CNBD1: variants seen among roughly 807,000 people sequenced by gnomAD.
CNBD1 encodes cyclic nucleotide-binding domain-containing protein 1.
CNBD1 carries 71 observed loss-of-function variants against 54.4 expected under a neutral mutation model. That is an observed-to-expected ratio of 1.30 (90% CI 1.08 to 1.59). The LOEUF (loss-of-function observed/expected upper bound fraction) is 1.59. Among genes scored for constraint, CNBD1 ranks in the 40% most tolerant of loss-of-function variants. CNBD1 has a pLI of 0.00. For missense variants in CNBD1, 659 were observed against 518.0 expected (o/e 1.27, Z -2.64); for synonymous variants, 182 against 170.7 (o/e 1.07, Z -0.51).
chr8:87,287,479 G>C lies in CNBD1; in HGVS notation c.1042+808G>C, dbSNP rs370092000. Among the ~76,000 whole-genome samples, 23 of 152,286 alleles carry C rather than the reference G, an allele frequency of 1.5e-4. No individual in the cohort carries two copies. The South Asian group carries it at 4.8e-3, about 32-fold the overall frequency. On this transcript the variant is annotated intron_variant, in intron 8 of 10. Coordinates refer to ENST00000518476, the MANE Select transcript of CNBD1 (RefSeq NM_173538.3). ...GATTATAATGGAAGAGGAAGTGTTT[G>C]AAAGAAATACTTCTACCCCAAGTCT... is the stretch of plus-strand genomic sequence containing the variant.
chr8:87,017,151 C>T (rs1479504365), intron 4 of CNBD1, among the ~76,000 whole-genome samples: 4 of 152,090 alleles, frequency 2.6e-5, no homozygotes, highest in African/African-American at 4.8e-5. Flanking sequence ...GGGGGTAAAA[C>T]GGCTTTCTGG....
chr8:87,243,662 A>G (rs923380960), intron 6 of CNBD1, among the ~76,000 whole-genome samples: 2 of 152,202 alleles, frequency 1.3e-5, no homozygotes, highest in African/African-American at 4.8e-5. Context: ...ATGCAACACA[A>G]CTACTATAAA....
intron 4 of CNBD1, among the ~76,000 whole-genome samples, chr8:87,002,818 T>A (rs1384721252): frequency 6.6e-6 from 1 of 152,212 alleles, no homozygotes; most frequent in African/African-American, 2.4e-5. Context: ...TGTCTCCTCT[T>A]TCTAAAATGT....
At chr8:87,382,376 C>A (rs1053550092) in intron 10 of CNBD1, among the ~76,000 whole-genome samples, 1 of 151,902 alleles carries the variant, frequency 6.6e-6, no homozygotes, top group Non-Finnish European at 1.5e-5. Context: ...AAGAGAGGAT[C>A]AAATCACTCC....
At chr8:87,406,768 G>T (rs533529197) in intron 2 of CNBD1, among the ~76,000 whole-genome samples, 3 of 152,088 alleles carry the variant, frequency 2.0e-5, no homozygotes, top group African/African-American at 7.2e-5. Context: ...GAAAGCCACC[G>T]TGCCCGGCCC....
At chr8:87,197,289 C>A (rs1185321162) in intron 4 of CNBD1, among the ~76,000 whole-genome samples, 3 of 152,102 alleles carry the variant, frequency 2.0e-5, no homozygotes, top group Non-Finnish European at 2.9e-5. Context: ...GTGTGCCTGA[C>A]AATTTAGAAG....
intron 4 of CNBD1, among the ~76,000 whole-genome samples, chr8:87,144,024 G>A (rs966347258): frequency 6.6e-6 from 1 of 152,112 alleles, no homozygotes; most frequent in Non-Finnish European, 1.5e-5. Flanking sequence ...AATCTTAAAG[G>A]TGCCTAAAAT....
chr8:87,377,237 G>A (rs1456967438), intron 10 of CNBD1, among the ~76,000 whole-genome samples: 1 of 150,664 alleles, frequency 6.6e-6, no homozygotes, highest in Non-Finnish European at 1.5e-5. Flanking sequence ...GTGCCATGCT[G>A]GTGCGCTGCA....
intron 4 of CNBD1, among the ~76,000 whole-genome samples, chr8:86,965,620 C>T (rs1406807650): frequency 6.6e-6 from 1 of 152,120 alleles, no homozygotes; most frequent in East Asian, 1.9e-4. Flanking sequence ...TTTTACTCAC[C>T]CTTCCTGCAG....
chr8:87,045,050 G>T (rs565645076), intron 4 of CNBD1, among the ~76,000 whole-genome samples: 1 of 152,260 alleles, frequency 6.6e-6, no homozygotes, highest in South Asian at 2.1e-4. Flanking sequence ...TCAGGCAATG[G>T]TATTTCTAGA....
Position 86,924,347 on chromosome 8 carries a change from C to T in CNBD1, c.273-15249C>T, listed in dbSNP as rs561872075. Reference sequence around the variant, plus strand: ...CATTTGAACCAAGGCAAATTGTCTACAGAATGTGGAAATGGGGTTGAAAAA... The same window carrying T: ...CATTTGAACCAAGGCAAATTGTCTATAGAATGTGGAAATGGGGTTGAAAAA... On this transcript the variant is annotated intron_variant, in intron 3 of 10. Transcript: ENST00000518476. Among the ~76,000 whole-genome samples, 4 of 152,132 alleles carry T rather than the reference C, an allele frequency of 2.6e-5. No individual in the cohort carries two copies. The South Asian group carries it at 8.3e-4, about 32-fold the overall frequency.
At chr8:87,418,848 C>A (rs535955800) in intron 2 of CNBD1, among the ~76,000 whole-genome samples, 19 of 151,936 alleles carry the variant, frequency 1.3e-4, no homozygotes, top group Admixed American at 3.9e-4. Flanking sequence ...TTATACATAG[C>A]TGATGAAAGT....
intron 4 of CNBD1, among the ~76,000 whole-genome samples, chr8:86,943,981 A>G (rs988430726): frequency 1.3e-5 from 2 of 152,160 alleles, no homozygotes; most frequent in Admixed American, 6.6e-5. Context: ...TACTAGGCTC[A>G]CAGCTTAATT....
intron 4 of CNBD1, among the ~76,000 whole-genome samples, chr8:87,040,318 C>T (rs1810038027): frequency 6.6e-6 from 1 of 151,966 alleles, no homozygotes; most frequent in South Asian, 2.1e-4. Context: ...TTGGTTAGGT[C>T]AGATTTCTTT....
At position 86,885,047 on chromosome 8, in the gene CNBD1, G is replaced by A. The variant is rs377755704; in HGVS notation, c.89-2495G>A. 1.3e-3 allele frequency among the ~76,000 whole-genome samples: 193 copies of A among 152,252 alleles called. 1 individual carries two copies. The highest frequency in any genetic ancestry group is 4.5e-3 in the African/African-American group (185 of 41,556). On this transcript the variant is annotated intron_variant, in intron 1 of 10. Transcript: ENST00000518476. The stretch of plus-strand genomic sequence containing the variant: ...GGCTATGTATTTACAGAATTTCTAA[G>A]CCTTCACTTATTCTATTGCTTCCTC...
intron 1 of CNBD1, among the ~76,000 whole-genome samples, chr8:86,873,908 T>G (rs1368706743): frequency 6.6e-6 from 1 of 152,204 alleles, no homozygotes; most frequent in African/African-American, 2.4e-5. Flanking sequence ...TTTCAGTGTG[T>G]ATTTTTAAAA....
At chr8:87,131,286 T>C (rs1812113683) in intron 4 of CNBD1, among the ~76,000 whole-genome samples, 2 of 152,126 alleles carry the variant, frequency 1.3e-5, no homozygotes, top group Non-Finnish European at 2.9e-5. Flanking sequence ...TTGAGTTAAT[T>C]GCATTTTTAC....
At chr8:87,428,141 A>G (rs1458653650) in intron 2 of CNBD1, among the ~76,000 whole-genome samples, 1 of 149,676 alleles carries the variant, frequency 6.7e-6, no homozygotes, top group Non-Finnish European at 1.5e-5. Flanking sequence ...CAACCAAAAA[A>G]AAGGCAAAAA....
At chr8:87,275,554 G>C (rs1379982758) in intron 6 of CNBD1, among the ~76,000 whole-genome samples, 1 of 151,606 alleles carries the variant, frequency 6.6e-6, no homozygotes, top group South Asian at 2.1e-4. Flanking sequence ...AATAAATTAG[G>C]TATTGATGGG....
Sources: allele counts gnomAD v4.1 joint callset (sites outside exome capture counted in the v4.1 genomes callset), GRCh38; gene constraint gnomAD v4.1.1; transcripts MANE v1.5; gene names NCBI Gene and HGNC (gene_info 2026-07-23, HGNC 2026-07-21).